The following ISG20 variants were observed in gnomAD, a reference collection of about 807,000 sequenced individuals.
ISG20 encodes the protein interferon-stimulated gene 20 kDa protein.
In ISG20, 8 loss-of-function variants were observed where a neutral mutation model predicts 11.1. That is an observed-to-expected ratio of 0.72 (90% CI 0.42 to 1.30). The LOEUF is 1.30. ISG20 is among the 50% of genes most tolerant of loss of function. ISG20 has a pLI of 0.01. For missense variants in ISG20, 243 were observed against 250.2 expected, an observed-to-expected ratio of 0.97 and a Z score of 0.19; for synonymous variants, 110 against 101.7, an observed-to-expected ratio of 1.08 and a Z score of -0.49.
In ISG20 at chr15:88,650,438, G is replaced by A. The variant is rs1406117616; in HGVS notation, c.229-1672G>A. The A allele has an allele frequency of 1.4e-6, 2 of 1,476,958 alleles. No individual in the cohort carries two copies. The highest frequency in any genetic ancestry group is 1.4e-5 in the African/African-American group (1 of 71,708). The allele number at this position is 1,476,958 out of a possible 1,614,324, so 91.5% of individuals were successfully genotyped here. The stretch of plus-strand genomic sequence containing the variant: ...GTGTGGCAGTGGCAGGCGGGCTCTG[G>A]ATTCATCCCACTGGCTTCAAGGCCT... On this transcript the variant is annotated intron_variant, in intron 2 of 3. Transcript: ENST00000306072. The surrounding 1 kb of genome is among the most constrained non-coding windows in gnomAD (Gnocchi z 4.0).
At chr15:88,652,046 C>T in intron 2 of ISG20, 64 bp from the exon 3 acceptor site, 2 of 1,604,686 alleles carry the variant, frequency 1.2e-6, no homozygotes, top group African/African-American at 2.7e-5. Context: ...GCTCCCTTGC[C>T]AGCCCCAGCC....
At chr15:88,638,485 C>T (rs951293106), upstream of ISG20, among the ~76,000 whole-genome samples, 6 of 152,186 alleles carry the variant, frequency 3.9e-5, no homozygotes, top group Admixed American at 1.3e-4. Flanking sequence ...CCCACGGAGG[C>T]CTGTAAGGGC....
Position 88,652,305 on chromosome 15 carries a change from A to C in ISG20, c.424A>C (p.Ile142Leu). Reference sequence around the variant, plus strand: ...GAGTGAGCGCCTCCTACACAAGAGCATCCAGGTGAGAACCTCCTCGTCCTT... The same window carrying C: ...GAGTGAGCGCCTCCTACACAAGAGCCTCCAGGTGAGAACCTCCTCGTCCTT... Reference protein sequence around the residue: ...VLSERLLHKSIQNSLLGHSSV... With the variant: ...VLSERLLHKSLQNSLLGHSSV... The change falls in exon 3 of 4, where the codon ATC becomes CTC. Residue 142 changes from isoleucine to leucine, a missense_variant. By Grantham distance (5) the Ile-to-Leu change is conservative. Coordinates refer to ENST00000306072, the MANE Select transcript of ISG20 (RefSeq NM_002201.6). The C allele has an allele frequency of 1.2e-6, 2 of 1,611,248 alleles. No individual in the cohort carries two copies. Among genetic ancestry groups the C allele is most frequent in the East Asian group, 4.5e-5 (2 of 44,712 alleles).
chr15:88,646,000 G>C (rs2058166649), intron 2 of ISG20, among the ~76,000 whole-genome samples: 1 of 152,256 alleles, frequency 6.6e-6, no homozygotes, highest in Non-Finnish European at 1.5e-5. Flanking sequence ...TCTGGCAGCT[G>C]CGTGGAGTAA....
At chr15:88,653,520 G>A (rs1459554991) in intron 3 of ISG20, among the ~76,000 whole-genome samples, 1 of 152,102 alleles carries the variant, frequency 6.6e-6, no homozygotes, top group Admixed American at 6.5e-5. Context: ...GGCACATAAG[G>A]CACATAAGGG....
chr15:88,650,105 G>A lies in ISG20; in HGVS notation c.229-2005G>A. On this transcript the variant is annotated intron_variant, in intron 2 of 3. Transcript: ENST00000306072. This position sits in a 1 kb window ranked among gnomAD's most constrained non-coding sequence, Gnocchi z 4.0. The stretch of plus-strand genomic sequence containing the variant: ...AGGCACCAGAAGGCTCTTTCCTGGT[G>A]TACAGGCTAAGGTCGTGGGCTACAT... 1 of 743,502 alleles carries A rather than the reference G, an allele frequency of 1.3e-6. No individual in the cohort carries two copies. The highest frequency in any genetic ancestry group is 2.3e-6 in the Non-Finnish European group (1 of 436,220). 46.1% of individuals were successfully genotyped at this position (743,502 alleles called of 1,614,324 possible).
intron 2 of ISG20, chr15:88,649,113 C>T (rs2058228863): frequency 6.6e-6 from 1 of 152,256 alleles, no homozygotes; most frequent in Admixed American, 6.5e-5. Context: ...TCTGGGCCCT[C>T]ACCTTACAAA....
intron 2 of ISG20, among the ~76,000 whole-genome samples, chr15:88,646,371 A>C (rs2058172962): frequency 6.6e-6 from 1 of 152,216 alleles, no homozygotes; most frequent in Admixed American, 6.5e-5. Context: ...GAAGGGATAG[A>C]GCAGAGACTC....
In ISG20 at chr15:88,639,267, A is replaced by T. The variant is rs2058037920; in HGVS notation, c.-24-76A>T. 2.3e-6 allele frequency: 2 copies of T among 882,364 alleles called. No individual in the cohort carries two copies. The highest frequency in any genetic ancestry group is 5.3e-5 in the Admixed American group (2 of 37,542). The allele number at this position is 882,364 out of a possible 1,614,324, so 54.7% of individuals were successfully genotyped here. ...AAAGGGCAGGGCGGAGGGTAAGGCC[A>T]GCTGGGGTTGGCTGAGGACACCTGG... On this transcript the variant is annotated intron_variant, in intron 1 of 3. Transcript: ENST00000306072. This position sits in a 1 kb window ranked among gnomAD's most constrained non-coding sequence, Gnocchi z 4.2.
intron 2 of ISG20, among the ~76,000 whole-genome samples, chr15:88,645,795 C>T (rs2058162874): frequency 6.6e-6 from 1 of 152,174 alleles, no homozygotes; most frequent in Non-Finnish European, 1.5e-5. Context: ...CCCCACTGGT[C>T]CCTAGCCTCT....
rs1461611920 is a variant in ISG20 at position 88,639,329 on chromosome 15, A to G, written c.-24-14A>G. On this transcript the variant is annotated splice_polypyrimidine_tract_variant and intron_variant, in intron 1 of 3. Transcript: ENST00000306072. The surrounding 1 kb of genome is among the most constrained non-coding windows in gnomAD (Gnocchi z 4.2). ...GCCCAAGCGTGAGACCGCCCCCCAT[A>G]CCCCTCTCTCCAGCATCTCTGAGGG... 6.6e-7 allele frequency: 1 copy of G among 1,521,182 alleles called. No individual in the cohort carries two copies. 94.2% of individuals were successfully genotyped at this position (1,521,182 alleles called of 1,614,324 possible). A position where few individuals can be genotyped will look rare whatever the true frequency, so the allele number is the denominator to read the frequency against.
chr15:88,651,908 G>A (rs557747862), intron 2 of ISG20: 12 of 1,411,270 alleles, frequency 8.5e-6, no homozygotes, highest in Middle Eastern at 2.7e-4. Context: ...TGGGCTTTTG[G>A]CACAGAATGA....
intron 2 of ISG20, among the ~76,000 whole-genome samples, chr15:88,645,028 G>C (rs762627453): frequency 6.6e-6 from 1 of 152,202 alleles, no homozygotes; most frequent in East Asian, 1.9e-4. Context: ...TTGTTTCTCA[G>C]TTAGAGGATA....
chr15:88,651,687 C>A (rs2058276645), intron 2 of ISG20: 2 of 710,468 alleles, frequency 2.8e-6, no homozygotes, highest in South Asian at 5.3e-5. Flanking sequence ...AACTTTAATT[C>A]CTCTTTGCCA....
At chr15:88,640,945 G>GGA (rs1555439874) in intron 2 of ISG20, among the ~76,000 whole-genome samples, 2 of 146,282 alleles carry the variant, frequency 1.4e-5, no homozygotes, top group African/African-American at 5.0e-5. Context: ...ACAGAGCCAG[G>GGA]AAAAAAAAAA....
chr15:88,641,519 A>T (rs920772414), intron 2 of ISG20, among the ~76,000 whole-genome samples: 2 of 152,126 alleles, frequency 1.3e-5, no homozygotes, highest in Non-Finnish European at 2.9e-5. Context: ...CCCAGATTCT[A>T]GGGGTTGTTG....
At position 88,639,339 on chromosome 15, in the gene ISG20, C is replaced by G. The variant is rs762300315; in HGVS notation, c.-24-4C>G. ...GAGACCGCCCCCCATACCCCTCTCT[C>G]CAGCATCTCTGAGGGTCCCCAAGGA... is the stretch of plus-strand genomic sequence containing the variant. On this transcript the variant is annotated splice_polypyrimidine_tract_variant and splice_region_variant and intron_variant, in intron 1 of 3. Coordinates refer to ENST00000306072, the MANE Select transcript of ISG20 (RefSeq NM_002201.6). The surrounding 1 kb of genome is among the most constrained non-coding windows in gnomAD (Gnocchi z 4.2). 2 of 1,571,448 alleles carry G rather than the reference C, an allele frequency of 1.3e-6. No homozygotes were observed. The highest frequency in any genetic ancestry group is 1.7e-6 in the Non-Finnish European group (2 of 1,150,634).
intron 2 of ISG20, chr15:88,651,368 C>G (rs560288949): frequency 3.3e-6 from 3 of 895,998 alleles, no homozygotes; most frequent in Non-Finnish European, 2.7e-6. Flanking sequence ...TCTTACAGTT[C>G]TGTAGTTTCG....
chr15:88,655,345 G>A (rs556198331), intron 3 of ISG20, 70 bp from the exon 4 acceptor site: 1 of 1,395,334 alleles, frequency 7.2e-7, no homozygotes, highest in East Asian at 2.3e-5. Flanking sequence ...ATGTGACCAG[G>A]GAAGACCCTG....
Sources: gnomAD v4.1 joint callset for allele counts (sites outside exome capture counted in the v4.1 genomes callset) on GRCh38, gnomAD v4.1.1 for gene constraint, Gnocchi (gnomAD v3.1) non-coding constraint, MANE v1.5 for transcripts, NCBI Gene and HGNC (gene_info 2026-07-23, HGNC 2026-07-21) for gene names.